Variants in TRAM2 observed in about 807,000 individuals in gnomAD.
TRAM2 encodes the protein translocation associated membrane protein 2.
Under a neutral mutation model 51.0 loss-of-function variants are expected in TRAM2, and 12 were observed. The observed-to-expected ratio is 0.24, with a 90% CI of 0.15 to 0.38. The LOEUF is 0.38. Ranked by LOEUF, TRAM2 falls within the 10% of genes least tolerant of loss-of-function variation. The pLI, the probability that TRAM2 is intolerant of heterozygous loss-of-function variation, is 1.00. For synonymous variants in TRAM2, 175 were observed against 179.4 expected, an observed-to-expected ratio of 0.98 and a Z score of 0.20; for missense variants, 361 against 462.0, an observed-to-expected ratio of 0.78 and a Z score of 2.00.
intron 7 of TRAM2, among the ~76,000 whole-genome samples, chr6:52,507,242 T>G (rs1766365946): frequency 6.6e-6 from 1 of 152,202 alleles, no homozygotes; most frequent in Non-Finnish European, 1.5e-5. Flanking sequence ...AAGGCCGACA[T>G]CCACTGGAAG....
chr6:52,549,580 G>C (rs1767273275), intron 1 of TRAM2, among the ~76,000 whole-genome samples: 1 of 152,182 alleles, frequency 6.6e-6, no homozygotes, highest in African/African-American at 2.4e-5. Flanking sequence ...AAACAGTCAA[G>C]AAAGCCATTT....
chr6:52,531,339 T>C (rs1300191744), intron 2 of TRAM2, among the ~76,000 whole-genome samples: 2 of 152,228 alleles, frequency 1.3e-5, no homozygotes, highest in Non-Finnish European at 1.5e-5. Context: ...CTATCCTGAT[T>C]TCATTGTCTC....
chr6:52,512,737 G>C (rs779326729), intron 4 of TRAM2, among the ~76,000 whole-genome samples: 4 of 152,332 alleles, frequency 2.6e-5, no homozygotes, highest in Admixed American at 6.5e-5. Flanking sequence ...TTTGGTGTGT[G>C]AACAAACACA....
chr6:52,524,875 C>A (rs1766746853), intron 2 of TRAM2: 1 of 152,116 alleles, frequency 6.6e-6, no homozygotes, highest in African/African-American at 2.4e-5. Context: ...CCCTTCTGAA[C>A]AATGGGATAA....
chr6:52,576,817 G>T lies in TRAM2; in HGVS notation c.99C>A (p.Val33=). ...TCACCTCGAACATAAGCCCGATGAG[G>T]ACGCAGAGCACCAGGCAGAAGCCGA... is the stretch of plus-strand genomic sequence containing the variant. The part of the protein sequence containing the change: ...ADIGFCLVLC[V]LIGLMFEVTA... Residue 33 remains valine (V), a synonymous_variant, in exon 1 of 11, where the codon GTC becomes GTA. Coordinates refer to ENST00000182527, the MANE Select transcript of TRAM2 (RefSeq NM_012288.4). 20 of 1,613,728 alleles carry T rather than the reference G, an allele frequency of 1.2e-5. No individual in the cohort carries two copies. Among genetic ancestry groups the T allele is most frequent in the Non-Finnish European group, 1.7e-5 (20 of 1,179,780 alleles).
intron 1 of TRAM2, among the ~76,000 whole-genome samples, chr6:52,540,839 C>A (rs747626387): frequency 2.0e-5 from 3 of 152,144 alleles, no homozygotes; most frequent in African/African-American, 7.2e-5. Context: ...AAAGTGACAA[C>A]GTGCTAATAC....
chr6:52,537,730 G>A (rs1562483150), intron 1 of TRAM2, among the ~76,000 whole-genome samples: 1 of 152,034 alleles, frequency 6.6e-6, no homozygotes, highest in Non-Finnish European at 1.5e-5. Context: ...GTGCCGTCCC[G>A]TTCCCATTTA....
intron 1 of TRAM2, among the ~76,000 whole-genome samples, chr6:52,541,313 T>A (rs1242015502): frequency 6.6e-6 from 1 of 152,048 alleles, no homozygotes; most frequent in African/African-American, 2.4e-5. Flanking sequence ...CTATCTCATG[T>A]CATCCCCACA....
At chr6:52,513,672 C>T (rs1766491914) in intron 4 of TRAM2, among the ~76,000 whole-genome samples, 1 of 151,986 alleles carries the variant, frequency 6.6e-6, no homozygotes, top group African/African-American at 2.4e-5. Context: ...AACAGCCAGG[C>T]CAAAAGTGGG....
intron 4 of TRAM2, 88 bp downstream of exon 4, chr6:52,515,918 C>T: frequency 8.8e-7 from 1 of 1,138,818 alleles, no homozygotes; most frequent in South Asian, 1.3e-5. Flanking sequence ...GCAAGGGGTC[C>T]TTTGCAGTCA....
In TRAM2 at chr6:52,500,508, T is replaced by C. The variant is rs1223771888; in HGVS notation, c.*2689A>G. 1 of 147,474 alleles carries C rather than the reference T, an allele frequency of 6.8e-6. No individual in the cohort carries two copies. Among genetic ancestry groups the C allele is most frequent in the Non-Finnish European group, 1.5e-5 (1 of 67,192 alleles). The allele number at this position is 147,474 out of a possible 1,614,324, so 9.1% of individuals were successfully genotyped here. ...GCTGGCAAGATGCCAGCCCCACTCA[T>C]GGTCTCAGGGTTTTTTTTTGTTTTT... On this transcript the variant is annotated 3_prime_UTR_variant, in exon 11 of 11. Coordinates refer to ENST00000182527, the MANE Select transcript of TRAM2 (RefSeq NM_012288.4).
intron 2 of TRAM2, among the ~76,000 whole-genome samples, chr6:52,533,312 C>T (rs1354318045): frequency 6.6e-6 from 1 of 152,156 alleles, no homozygotes; most frequent in Non-Finnish European, 1.5e-5. Context: ...ATCTTGAGTA[C>T]AGCCAAGTCT....
chr6:52,535,709 A>T, intron 2 of TRAM2, 74 bp downstream of exon 2: 1 of 1,382,712 alleles, frequency 7.2e-7, no homozygotes, highest in South Asian at 1.2e-5. Context: ...TTGTACACAG[A>T]TGGGGAAAAG....
intron 5 of TRAM2, 57 bp from the exon 6 acceptor site, chr6:52,508,375 G>A (rs1355329473): frequency 2.6e-6 from 4 of 1,524,540 alleles, no homozygotes; most frequent in South Asian, 1.1e-5. Flanking sequence ...CCCTGCAGGT[G>A]CTGGCCAAGC....
chr6:52,542,190 G>A (rs1372799969), intron 1 of TRAM2, among the ~76,000 whole-genome samples: 1 of 151,724 alleles, frequency 6.6e-6, no homozygotes, highest in Non-Finnish European at 1.5e-5. Context: ...CGGAGGAAGT[G>A]AATAGGAAAA....
chr6:52,539,334 T>C (rs1468467171), intron 1 of TRAM2, among the ~76,000 whole-genome samples: 3 of 152,118 alleles, frequency 2.0e-5, no homozygotes, highest in Non-Finnish European at 2.9e-5. Context: ...AACCCAAAAG[T>C]GTTTGCAGCT....
intron 9 of TRAM2, among the ~76,000 whole-genome samples, chr6:52,505,083 A>G (rs1414669234): frequency 6.6e-6 from 1 of 152,258 alleles, no homozygotes; most frequent in Non-Finnish European, 1.5e-5. Context: ...GAACAAGACT[A>G]ATGTAAGCTC....
At chr6:52,519,020 G>T (rs765791498) in intron 2 of TRAM2, among the ~76,000 whole-genome samples, 2 of 152,164 alleles carry the variant, frequency 1.3e-5, no homozygotes, top group Non-Finnish European at 2.9e-5. Flanking sequence ...GGGTTCCAAA[G>T]AAATATGACT....
Position 52,576,939 on chromosome 6 carries a change from C to T in TRAM2, c.-24G>A. On this transcript the variant is annotated 5_prime_UTR_variant, in exon 1 of 11. Transcript: ENST00000182527. ...ATGGCAGCGGGCGCGCAGCGGCCGG[C>T]GGGGCCCGCACCCTGCGCTCACGAA... is the stretch of plus-strand genomic sequence containing the variant. The T allele has an allele frequency of 6.3e-7, 1 of 1,594,556 alleles. No individual in the cohort carries two copies. The highest frequency in any genetic ancestry group is 8.5e-7 in the Non-Finnish European group (1 of 1,171,950).
Sources: allele counts gnomAD v4.1 joint callset (sites outside exome capture counted in the v4.1 genomes callset), GRCh38; gene constraint gnomAD v4.1.1; transcripts MANE v1.5; gene names NCBI Gene and HGNC (gene_info 2026-07-23, HGNC 2026-07-21).